GABRB2: variants seen among roughly 807,000 people sequenced by gnomAD.
GABRB2 encodes the protein gamma-aminobutyric acid type A receptor subunit beta2.
In GABRB2, 16 loss-of-function variants were observed where a neutral mutation model predicts 54.7. That is an observed-to-expected ratio of 0.29 (90% CI 0.20 to 0.44). The LOEUF (loss-of-function observed/expected upper bound fraction) is 0.44, where lower values mean the gene tolerates loss of function less well. GABRB2 is among the 20% of genes least tolerant of loss of function. The pLI is 1.00. For synonymous variants in GABRB2, 244 were observed against 233.8 expected, an observed-to-expected ratio of 1.04 and a Z score of -0.40; for missense variants, 355 against 644.0, an observed-to-expected ratio of 0.55 and a Z score of 4.86.
At chr5:161,516,552 T>G (rs1181960061) in intron 3 of GABRB2, among the ~76,000 whole-genome samples, 1 of 152,208 alleles carries the variant, frequency 6.6e-6, no homozygotes, top group East Asian at 1.9e-4. Context: ...CAAACAAATT[T>G]GAACTTGGCA....
chr5:161,428,625 A>T (rs2113167131), intron 4 of GABRB2, among the ~76,000 whole-genome samples: 1 of 152,250 alleles, frequency 6.6e-6, no homozygotes, highest in East Asian at 1.9e-4. Flanking sequence ...TAAACTACTG[A>T]GTTCTAATAC....
chr5:161,322,328 G>A (rs1050792304), intron 9 of GABRB2, among the ~76,000 whole-genome samples: 12 of 151,964 alleles, frequency 7.9e-5, no homozygotes, highest in African/African-American at 2.9e-4. Flanking sequence ...CTCCACCTTC[G>A]AGGCTCAAAC....
chr5:161,379,809 C>T (rs1755413336), intron 5 of GABRB2, among the ~76,000 whole-genome samples: 1 of 152,008 alleles, frequency 6.6e-6, no homozygotes, highest in African/African-American at 2.4e-5. Context: ...ATGCAGCTTC[C>T]AGAAAGGGGA....
At chr5:161,447,516 G>A (rs1290244434) in intron 4 of GABRB2, among the ~76,000 whole-genome samples, 1 of 152,110 alleles carries the variant, frequency 6.6e-6, no homozygotes, top group Non-Finnish European at 1.5e-5. Context: ...TGGTCATTTA[G>A]CATTTTGTTG....
rs375582491 is a variant in GABRB2 at position 161,501,122 on chromosome 5, G to A, written c.238-41278C>T. On this transcript the variant is annotated intron_variant, in intron 3 of 9. Coordinates refer to ENST00000393959, the MANE Select transcript of GABRB2 (RefSeq NM_001371727.1). The stretch of plus-strand genomic sequence containing the variant: ...CCAGCACTAGTGTAACATCTGAAAA[G>A]GTCCTGAATAAGTGGCCCTGTAAAA... Among the ~76,000 whole-genome samples, 240 of 152,068 alleles carry A rather than the reference G, an allele frequency of 1.6e-3. 3 individuals are homozygous for A. The highest frequency in any genetic ancestry group is 5.5e-3 in the African/African-American group (230 of 41,470).
intron 5 of GABRB2, among the ~76,000 whole-genome samples, chr5:161,352,841 T>G (rs149605353): frequency 6.6e-6 from 1 of 152,094 alleles, no homozygotes; most frequent in Non-Finnish European, 1.5e-5. Flanking sequence ...CAAGTAAAAT[T>G]AATAAATAAA....
chr5:161,349,930 A>G (rs920669961), intron 5 of GABRB2, among the ~76,000 whole-genome samples: 2 of 152,132 alleles, frequency 1.3e-5, no homozygotes, highest in Non-Finnish European at 2.9e-5. Flanking sequence ...TTGATCCTCA[A>G]AAGTTATAAA....
chr5:161,416,633 C>T (rs1296233341), intron 4 of GABRB2, among the ~76,000 whole-genome samples: 1 of 140,134 alleles, frequency 7.1e-6, no homozygotes, highest in Non-Finnish European at 1.5e-5. Context: ...GGAGGCGGAG[C>T]TTGCGGTGAG....
At chr5:161,326,957 C>A in intron 8 of GABRB2, 1 of 978,826 alleles carries the variant, frequency 1.0e-6, no homozygotes, top group South Asian at 4.7e-5. Flanking sequence ...CAATATAAAG[C>A]TTAAAAGAGA....
chr5:161,391,051 G>C (rs1329843700), intron 5 of GABRB2, among the ~76,000 whole-genome samples: 2 of 152,078 alleles, frequency 1.3e-5, no homozygotes, highest in Non-Finnish European at 2.9e-5. Context: ...AAATTAACCA[G>C]CAATGACAGT....
chr5:161,299,361 T>A (rs1164195641), intron 9 of GABRB2, among the ~76,000 whole-genome samples: 1 of 152,182 alleles, frequency 6.6e-6, no homozygotes, highest in Admixed American at 6.5e-5. Flanking sequence ...GCCAATGGCA[T>A]GCCGTGAGTC....
chr5:161,528,039 G>T (rs570926728), intron 3 of GABRB2, among the ~76,000 whole-genome samples: 61 of 151,730 alleles, frequency 4.0e-4, no homozygotes, highest in Non-Finnish European at 7.4e-4. Context: ...AATAGCCAAA[G>T]AACCCAAATG....
chr5:161,544,401 G>A (rs2113484564), intron 3 of GABRB2, among the ~76,000 whole-genome samples: 1 of 152,270 alleles, frequency 6.6e-6, no homozygotes, highest in Non-Finnish European at 1.5e-5. Context: ...ATGTGGGGGC[G>A]TCTGGGACGC....
Position 161,331,040 on chromosome 5 carries a change from A to G in GABRB2, c.920T>C (p.Met307Thr). The G allele has an allele frequency of 6.2e-7, 1 of 1,614,060 alleles. No individual in the cohort carries two copies. Among genetic ancestry groups the G allele is most frequent in the Non-Finnish European group, 8.5e-7 (1 of 1,179,918 alleles). ...PKIPYVKAIDMYLMGCFVFVF... is the reference protein window; with the variant it reads ...PKIPYVKAIDTYLMGCFVFVF... ...GAAGACAAAGCACCCCATCAGGTAC[A>G]TGTCAATGGCCTTCACATAGGGGAT... Residue 307 changes from methionine (M) to threonine (T), a missense_variant, in exon 8 of 10, where the codon ATG becomes ACG. By Grantham distance (81) the Met-to-Thr change is moderately conservative. Coordinates refer to ENST00000393959, the MANE Select transcript of GABRB2 (RefSeq NM_001371727.1).
At chr5:161,393,319 A>G (rs1755890824) in intron 5 of GABRB2, among the ~76,000 whole-genome samples, 1 of 106,960 alleles carries the variant, frequency 9.3e-6, no homozygotes, top group Non-Finnish European at 1.8e-5. Context: ...AAAAAAAAAA[A>G]AAAAAAAAAA....
At chr5:161,307,561 ATTGC>A (rs1365588341) in intron 9 of GABRB2, among the ~76,000 whole-genome samples, 2 of 152,158 alleles carry the variant, frequency 1.3e-5, no homozygotes, top group African/African-American at 4.8e-5. Context: ...GGCATGTTCC[ATTGC>A]TTAGTTGAGC....
chr5:161,477,656 A>G (rs1350616066), intron 3 of GABRB2, among the ~76,000 whole-genome samples: 1 of 151,960 alleles, frequency 6.6e-6, no homozygotes, highest in Admixed American at 6.6e-5. Context: ...GACACATGCT[A>G]TGACATGGAT....
chr5:161,309,326 A>G (rs974440756), intron 9 of GABRB2, among the ~76,000 whole-genome samples: 3 of 152,222 alleles, frequency 2.0e-5, no homozygotes, highest in African/African-American at 7.2e-5. Flanking sequence ...CACACCAGTC[A>G]GAATGGTTAT....
At chr5:161,353,360 A>T (rs903933884) in intron 5 of GABRB2, among the ~76,000 whole-genome samples, 1 of 152,044 alleles carries the variant, frequency 6.6e-6, no homozygotes, top group African/African-American at 2.4e-5. Context: ...TAAAGGAAGG[A>T]GTACCTTGAC....
Sources: gnomAD v4.1 joint callset for allele counts (sites outside exome capture counted in the v4.1 genomes callset) on GRCh38, gnomAD v4.1.1 for gene constraint, MANE v1.5 for transcripts, NCBI Gene and HGNC (gene_info 2026-07-23, HGNC 2026-07-21) for gene names.